TEKT5: variants seen among roughly 807,000 people sequenced by gnomAD.
The protein encoded by TEKT5 is tektin 5, also known as tektin-5.
Under a neutral mutation model 48.7 loss-of-function variants are expected in TEKT5, and 52 were observed. That is an observed-to-expected ratio of 1.07 (90% confidence interval 0.86 to 1.35). The LOEUF (loss-of-function observed/expected upper bound fraction) is 1.35, where lower values mean the gene tolerates loss of function less well. Ranked by LOEUF, TEKT5 falls within the 40% of genes most tolerant of loss-of-function variation. The probability of loss-of-function intolerance (pLI) is 0.00; values close to 1 mark genes in which losing one functional copy is unlikely to be tolerated. For missense variants in TEKT5, 831 were observed against 641.6 expected (o/e 1.30, Z -3.19); for synonymous variants, 318 against 267.6 (o/e 1.19, Z -1.84).
intron 5 of TEKT5, among the ~76,000 whole-genome samples, chr16:10,646,249 A>C (rs933251404): frequency 7.9e-5 from 12 of 152,234 alleles, no homozygotes; most frequent in Non-Finnish European, 1.8e-4. Context: ...ACATCAATTG[A>C]ATGAATGAAT....
At chr16:10,642,927 T>C (rs763247283) in intron 5 of TEKT5, among the ~76,000 whole-genome samples, 4 of 152,200 alleles carry the variant, frequency 2.6e-5, no homozygotes, top group African/African-American at 7.2e-5. Flanking sequence ...TTTATGCCAC[T>C]GTAGGATGAC....
At chr16:10,651,019 A>T (rs1432815076) in intron 5 of TEKT5, among the ~76,000 whole-genome samples, 1 of 152,196 alleles carries the variant, frequency 6.6e-6, no homozygotes, top group Non-Finnish European at 1.5e-5. Context: ...AGACGGCTGC[A>T]TGGGCTGGCC....
At chr16:10,652,316 T>A (rs2142275458) in intron 5 of TEKT5, among the ~76,000 whole-genome samples, 1 of 152,030 alleles carries the variant, frequency 6.6e-6, no homozygotes, top group East Asian at 1.9e-4. Flanking sequence ...TCCCACACAC[T>A]CTGAAAAATG....
intron 5 of TEKT5, among the ~76,000 whole-genome samples, chr16:10,640,603 C>A (rs1375742912): frequency 6.6e-6 from 1 of 152,126 alleles, no homozygotes; most frequent in Non-Finnish European, 1.5e-5. Context: ...TTTCTGTATA[C>A]CGCTTTACAA....
intron 4 of TEKT5, among the ~76,000 whole-genome samples, chr16:10,677,707 A>G (rs1235905953): frequency 1.2e-4 from 12 of 97,456 alleles, no homozygotes; most frequent in Admixed American, 1.1e-3. Flanking sequence ...AAAGCCCCAG[A>G]AAAGGAGGAA....
At chr16:10,665,061 C>G (rs1182173076) in intron 5 of TEKT5, among the ~76,000 whole-genome samples, 1 of 152,148 alleles carries the variant, frequency 6.6e-6, no homozygotes, top group Non-Finnish European at 1.5e-5. Context: ...CACTATGGGT[C>G]TTACCTGTCG....
At chr16:10,691,698 C>T (rs1196106202) in intron 1 of TEKT5, among the ~76,000 whole-genome samples, 1 of 152,076 alleles carries the variant, frequency 6.6e-6, no homozygotes, top group Non-Finnish European at 1.5e-5. Flanking sequence ...CCTGTAATCC[C>T]AGCACTTTGG....
chr16:10,638,659 GA>G (rs1897949507), intron 5 of TEKT5, among the ~76,000 whole-genome samples: 1 of 152,220 alleles, frequency 6.6e-6, no homozygotes, highest in Non-Finnish European at 1.5e-5. Context: ...TCACCTGCTA[GA>G]GATGCACCTG....
chr16:10,655,119 T>TA (rs1406212617), intron 5 of TEKT5, among the ~76,000 whole-genome samples: 4 of 152,024 alleles, frequency 2.6e-5, no homozygotes, highest in Admixed American at 6.6e-5. Context: ...CTGCCTTTCC[T>TA]AAAAAAACAA....
At position 10,658,929 on chromosome 16, in the gene TEKT5, G is replaced by A. The variant is rs569024131; in HGVS notation, c.1086+17030C>T. 2.0e-5 allele frequency among the ~76,000 whole-genome samples: 3 copies of A among 152,170 alleles called. No homozygotes were observed. In the East Asian group the frequency reaches 5.8e-4, roughly 29 times the overall value. On this transcript the variant is annotated intron_variant, in intron 5 of 6. Coordinates refer to ENST00000283025, the MANE Select transcript of TEKT5 (RefSeq NM_144674.2). ...GATGGGGTTTCACCATGTTGGTCAGGCTGGTCTCGAACTCCTGGCCTCAAG... is the reference window on the plus strand; with the variant it reads ...GATGGGGTTTCACCATGTTGGTCAGACTGGTCTCGAACTCCTGGCCTCAAG...
chr16:10,685,801 G>GTC (rs1036602092), intron 3 of TEKT5, among the ~76,000 whole-genome samples: 2 of 152,066 alleles, frequency 1.3e-5, no homozygotes, highest in African/African-American at 4.8e-5. Flanking sequence ...GTGTCTCTCA[G>GTC]TCTCTGGGAC....
At chr16:10,670,765 T>C (rs1276288569) in intron 5 of TEKT5, among the ~76,000 whole-genome samples, 1 of 152,188 alleles carries the variant, frequency 6.6e-6, no homozygotes, top group Non-Finnish European at 1.5e-5. Context: ...ATTATGACTA[T>C]TAATAAAAAT....
intron 5 of TEKT5, among the ~76,000 whole-genome samples, chr16:10,643,381 A>T (rs1898023066): frequency 7.0e-6 from 1 of 142,838 alleles, no homozygotes; most frequent in East Asian, 2.0e-4. Context: ...TCCGTCTCTT[A>T]AAAAAAAAAA....
intron 5 of TEKT5, among the ~76,000 whole-genome samples, chr16:10,674,640 A>C (rs1898612532): frequency 6.9e-6 from 1 of 145,646 alleles, no homozygotes; most frequent in Non-Finnish European, 1.5e-5. Context: ...AAAAAAAAAA[A>C]ACAGAGAGAG....
chr16:10,636,403 G>A (rs937448133), intron 5 of TEKT5, among the ~76,000 whole-genome samples: 4 of 151,288 alleles, frequency 2.6e-5, no homozygotes, highest in Admixed American at 2.0e-4. Context: ...TAGAAACCCT[G>A]AGAAGCCGCT....
intron 6 of TEKT5, among the ~76,000 whole-genome samples, chr16:10,635,374 G>A (rs1486007426): frequency 6.6e-6 from 1 of 152,050 alleles, no homozygotes; most frequent in Non-Finnish European, 1.5e-5. Context: ...AATGAGTGAG[G>A]AATGGGTGCC....
At chr16:10,675,902 C>T (rs1053415140) in intron 5 of TEKT5, 57 bp downstream of exon 5, 16 of 1,563,286 alleles carry the variant, frequency 1.0e-5, no homozygotes, top group Middle Eastern at 2.0e-4. Flanking sequence ...CTCAGATTCA[C>T]GGGAGAAGGG....
At chr16:10,692,410 G>A (rs1898995811) in intron 1 of TEKT5, among the ~76,000 whole-genome samples, 1 of 152,108 alleles carries the variant, frequency 6.6e-6, no homozygotes, top group South Asian at 2.1e-4. Flanking sequence ...CTCTCCTACG[G>A]AAGCCCCTGT....
chr16:10,659,443 A>C (rs1298162825), intron 5 of TEKT5, among the ~76,000 whole-genome samples: 1 of 152,104 alleles, frequency 6.6e-6, no homozygotes, highest in Non-Finnish European at 1.5e-5. Context: ...GCAGTGGTGC[A>C]ATCTCGGCTC....
Sources: allele counts gnomAD v4.1 joint callset (sites outside exome capture counted in the v4.1 genomes callset), GRCh38; gene constraint gnomAD v4.1.1; transcripts MANE v1.5; gene names NCBI Gene and HGNC (gene_info 2026-07-23, HGNC 2026-07-21).